Variants in PCDHGB4 observed in about 807,000 individuals in gnomAD.
PCDHGB4 encodes protocadherin gamma-B4.
PCDHGB4 carries 38 observed loss-of-function variants against 60.5 expected under a neutral mutation model. The observed-to-expected ratio is 0.63, with a 90% CI of 0.48 to 0.82. The LOEUF is 0.82. Among genes scored for constraint, PCDHGB4 ranks in the 40% least tolerant of loss-of-function variants. The probability of loss-of-function intolerance (pLI) is 0.00; values close to 1 mark genes in which losing one functional copy is unlikely to be tolerated. For synonymous variants in PCDHGB4, 456 were observed against 509.7 expected (o/e 0.89, Z 1.42); for missense variants, 1,109 against 1,209.6 (o/e 0.92, Z 1.23).
At chr5:141,438,633 TATAC>T (rs1373299550) in intron 1 of PCDHGB4, among the ~76,000 whole-genome samples, 3,683 of 33,472 alleles carry the variant, frequency 0.11, 56 homozygotes, top group Non-Finnish European at 0.14. Flanking sequence ...TATATATATA[TATAC>T]ACACACACAC....
chr5:141,410,849 C>CTTTTTTTTTTTT lies in PCDHGB4; in HGVS notation c.2397+20579_2397+20590dup. The CTTTTTTTTTTTT allele has an allele frequency of 2.7e-3, 375 of 138,154 alleles. 24 individuals are homozygous for CTTTTTTTTTTTT. The highest frequency in any genetic ancestry group is 6.9e-3 in the African/African-American group (114 of 16,622). 8.6% of individuals were successfully genotyped at this position (138,154 alleles called of 1,614,324 possible). ...CAGACTGAAGATATTTTGTCTTTGTCTTTTTTTTTTTTTTTTTTTTTTGAG... is the reference window on the plus strand; with the variant it reads ...CAGACTGAAGATATTTTGTCTTTGTCTTTTTTTTTTTTTTTTTTTTTTTTTTTTTTTTTTGAG... On this transcript the variant is annotated intron_variant, in intron 1 of 3. Coordinates refer to ENST00000519479, the MANE Select transcript of PCDHGB4 (RefSeq NM_003736.4).
chr5:141,392,810 A>G (rs772526220), intron 1 of PCDHGB4: 41 of 1,580,272 alleles, frequency 2.6e-5, no homozygotes, highest in Middle Eastern at 1.7e-4. Context: ...GCAGCAAAAC[A>G]ACAATGGCCG....
chr5:141,427,023 G>A, intron 1 of PCDHGB4: 1 of 456,968 alleles, frequency 2.2e-6, no homozygotes, highest in Non-Finnish European at 4.4e-6. Flanking sequence ...TGTATACAAA[G>A]TCAGCCTTAG....
intron 1 of PCDHGB4, chr5:141,414,054 G>A: frequency 6.2e-7 from 1 of 1,610,250 alleles, no homozygotes; most frequent in Non-Finnish European, 8.5e-7. Flanking sequence ...ACACGCAATT[G>A]TTGAAGTTCC....
At position 141,482,530 on chromosome 5, in the gene PCDHGB4, C is replaced by CAA. The variant is rs3074545; in HGVS notation, c.2398-12259_2398-12258dup. ...CAGAGTACAGTATGAGACAGACATG[C>CAA]AAAAAAAAAAAAAAAAAAAGATAAT... On this transcript the variant is annotated intron_variant, in intron 1 of 3. Transcript: ENST00000519479. Among the ~76,000 whole-genome samples the CAA allele has an allele frequency of 5.5e-3, 422 of 76,516 alleles. 18 individuals are homozygous for CAA. Among genetic ancestry groups the CAA allele is most frequent in the African/African-American group, 0.016 (343 of 20,862 alleles). The allele number at this position is 76,516 out of a possible 152,430, so 50.2% of individuals were successfully genotyped here.
Position 141,477,662 on chromosome 5 carries a change from A to G in PCDHGB4, c.2398-17145A>G. On this transcript the variant is annotated intron_variant, in intron 1 of 3. Transcript: ENST00000519479. The surrounding 1 kb of genome is among the most constrained non-coding windows in gnomAD (Gnocchi z 4.9). ...TCGCTATTTCACAATAAATCGTGAC[A>G]ATGGCATAGTGTCATCCTTAGTGCC... The G allele has an allele frequency of 6.2e-7, 1 of 1,614,222 alleles. No individual in the cohort carries two copies.
intron 1 of PCDHGB4, chr5:141,418,046 G>A (rs757311166): frequency 1.9e-6 from 3 of 1,613,888 alleles, no homozygotes; most frequent in Admixed American, 3.3e-5. Flanking sequence ...GGATGTGTCG[G>A]CTCGCGAGCT....
Position 141,390,052 on chromosome 5 carries a change from G to C in PCDHGB4, c.2168G>C (p.Ser723Thr), listed in dbSNP as rs2092030783. The part of the protein sequence containing the change: ...LRRSSSPASW[S>T]CFQPGLCVKS... ...CGCTCCTCCAGCCCCGCCTCCTGGA[G>C]CTGCTTCCAGCCTGGTCTCTGTGTT... Residue 723 changes from serine (S) to threonine (T), a missense_variant, in exon 1 of 4, where the codon AGC becomes ACC. By Grantham distance (58) the Ser-to-Thr change is moderately conservative. Around this residue, in one of 2 missense-constraint regions of PCDHGB4, gnomAD observed 1,068 missense variants for 1,089.9 expected, o/e 0.98. Coordinates refer to ENST00000519479, the MANE Select transcript of PCDHGB4 (RefSeq NM_003736.4). 6.2e-7 allele frequency: 1 copy of C among 1,613,960 alleles called. No homozygotes were observed. Among genetic ancestry groups the C allele is most frequent in the Non-Finnish European group, 8.5e-7 (1 of 1,179,920 alleles).
At chr5:141,428,100 G>A (rs1313410784) in intron 1 of PCDHGB4, 6 of 1,608,582 alleles carry the variant, frequency 3.7e-6, no homozygotes, top group East Asian at 2.2e-5. Context: ...GTCCTACCAC[G>A]TGCTGCAGGC....
intron 1 of PCDHGB4, chr5:141,441,868 C>A: frequency 3.0e-6 from 1 of 338,212 alleles, no homozygotes; most frequent in Non-Finnish European, 5.8e-6. Flanking sequence ...CGCCGCGGAG[C>A]CTGGCTACCT....
intron 1 of PCDHGB4, among the ~76,000 whole-genome samples, chr5:141,452,299 A>G (rs2098738116): frequency 6.6e-6 from 1 of 152,176 alleles, no homozygotes; most frequent in African/African-American, 2.4e-5. Flanking sequence ...ATAAGAAAAT[A>G]TTAGAGACTC....
At chr5:141,494,181 C>T (rs2099752517) in intron 1 of PCDHGB4, among the ~76,000 whole-genome samples, 1 of 152,136 alleles carries the variant, frequency 6.6e-6, no homozygotes, top group Non-Finnish European at 1.5e-5. Flanking sequence ...GAGAAGTGTC[C>T]CGGGACTTGG....
chr5:141,395,057 T>A (rs2093157144), intron 1 of PCDHGB4: 1 of 1,614,042 alleles, frequency 6.2e-7, no homozygotes, highest in Non-Finnish European at 8.5e-7. Context: ...AGGTACAGGC[T>A]TTCCTGCAGA....
intron 1 of PCDHGB4, among the ~76,000 whole-genome samples, chr5:141,467,288 A>G (rs1322298174): frequency 6.6e-6 from 1 of 152,084 alleles, no homozygotes; most frequent in Non-Finnish European, 1.5e-5. Context: ...CTTGACCTCA[A>G]GTGATCCACT....
chr5:141,393,023 T>G (rs372159245), intron 1 of PCDHGB4: 22 of 1,613,668 alleles, frequency 1.4e-5, no homozygotes, highest in Non-Finnish European at 1.7e-5. Flanking sequence ...TCTCCAGAGG[T>G]AGGACGCAGC....
At chr5:141,480,584 G>A (rs1421730652) in intron 1 of PCDHGB4, among the ~76,000 whole-genome samples, 1 of 134,606 alleles carries the variant, frequency 7.4e-6, no homozygotes, top group Non-Finnish European at 1.6e-5. Context: ...AATAACTGCC[G>A]CTCTTCTGGT....
At position 141,486,905 on chromosome 5, in the gene PCDHGB4, C is replaced by G. The variant is rs1463391292; in HGVS notation, c.2398-7902C>G. On this transcript the variant is annotated intron_variant, in intron 1 of 3. Coordinates refer to ENST00000519479, the MANE Select transcript of PCDHGB4 (RefSeq NM_003736.4). This position sits in a 1 kb window ranked among gnomAD's most constrained non-coding sequence, Gnocchi z 5.0. ...GGCCCGGCCTGGTTCCTTATGTCCC[C>G]AAGCACTGCCTCCATCAGTTGGTGC... 1 of 1,614,250 alleles carries G rather than the reference C, an allele frequency of 6.2e-7. No individual in the cohort carries two copies. The highest frequency in any genetic ancestry group is 1.3e-5 in the African/African-American group (1 of 75,066).
intron 1 of PCDHGB4, among the ~76,000 whole-genome samples, chr5:141,459,312 G>A (rs968359414): frequency 6.6e-6 from 1 of 152,084 alleles, no homozygotes; most frequent in African/African-American, 2.4e-5. Flanking sequence ...ATACTATTTT[G>A]TATCCATCTT....
intron 1 of PCDHGB4, chr5:141,393,214 A>AT (rs1561641117): frequency 1.2e-6 from 2 of 1,613,518 alleles, no homozygotes; most frequent in East Asian, 2.2e-5. Flanking sequence ...CCAAAATTCC[A>AT]GGTCGAAGAT....
Sources: allele counts gnomAD v4.1 joint callset (sites outside exome capture counted in the v4.1 genomes callset), GRCh38; gene constraint gnomAD v4.1.1; regional missense constraint gnomAD v4.1.1; non-coding constraint Gnocchi (gnomAD v3.1); transcripts MANE v1.5; gene names NCBI Gene and HGNC (gene_info 2026-07-23, HGNC 2026-07-21).